Variants in TMEM8B observed in about 807,000 individuals in gnomAD.
TMEM8B encodes nasopharyngeal carcinoma expressed 6.
In TMEM8B, 29 loss-of-function variants were observed where a neutral mutation model predicts 49.3. The observed-to-expected ratio is 0.59, with a 90% CI of 0.44 to 0.80. The LOEUF is 0.80. Among genes scored for constraint, TMEM8B ranks in the 30% least tolerant of loss-of-function variants. TMEM8B has a pLI of 0.00. For synonymous variants in TMEM8B, 264 were observed against 272.8 expected (o/e 0.97, Z 0.32); for missense variants, 575 against 658.5 (o/e 0.87, Z 1.39).
At position 35,842,468 on chromosome 9, in the gene TMEM8B, G is replaced by A; in HGVS notation, c.1386G>A (p.Gln462=). The A allele has an allele frequency of 6.3e-7, 1 of 1,591,098 alleles. No homozygotes were observed. Among genetic ancestry groups the A allele is most frequent in the Non-Finnish European group, 8.6e-7 (1 of 1,165,698 alleles). ...ACATGCCCCAGTCCCTGGGCAACCAGCCACTGCCCCCAGAACCGCCATCCC... is the reference window on the plus strand; with the variant it reads ...ACATGCCCCAGTCCCTGGGCAACCAACCACTGCCCCCAGAACCGCCATCCC... ...AMNMPQSLGN[Q]PLPPEPPSLG... Residue 462 remains glutamine (Q), a synonymous_variant, in exon 6 of 13, where the codon CAG becomes CAA. Transcript: ENST00000643932. The surrounding 1 kb of genome is among the most constrained non-coding windows in gnomAD (Gnocchi z 5.6).
intron 10 of TMEM8B, among the ~76,000 whole-genome samples, chr9:35,851,798 T>G (rs1318459556): frequency 6.6e-6 from 1 of 152,240 alleles, no homozygotes; most frequent in Non-Finnish European, 1.5e-5. Flanking sequence ...GATCCTAGCT[T>G]CTTCCTTTCC....
intron 6 of TMEM8B, 27 bp from the exon 7 acceptor site, chr9:35,845,948 C>T (rs773473886): frequency 6.2e-7 from 1 of 1,612,846 alleles, no homozygotes; most frequent in African/African-American, 1.3e-5. Context: ...GATGTGGCGG[C>T]CTCACTTCCA....
chr9:35,845,955 TC>T lies in TMEM8B; in HGVS notation c.1636-18del. The T allele has an allele frequency of 6.2e-7, 1 of 1,613,612 alleles. No homozygotes were observed. The highest frequency in any genetic ancestry group is 1.1e-5 in the South Asian group (1 of 91,056). On this transcript the variant is annotated intron_variant, in intron 6 of 12. Coordinates refer to ENST00000643932, the MANE Select transcript of TMEM8B (RefSeq NM_001042590.4). ...AGATGGAGGATGTGGCGGCCTCACT[TC>T]CATACCTGCCCTCCCCAGAGCTCCG...
intron 10 of TMEM8B, among the ~76,000 whole-genome samples, chr9:35,848,784 C>T (rs1239516989): frequency 1.3e-5 from 2 of 150,626 alleles, no homozygotes; most frequent in South Asian, 2.1e-4. Flanking sequence ...AAGCGATTCT[C>T]CTGCCTCAGC....
In TMEM8B at chr9:35,841,590, G is replaced by T; in HGVS notation, c.1105G>T (p.Val369Leu). Reference protein sequence around the residue: ...AQLVCVGGRGVSACPLSLRLR... With the variant: ...AQLVCVGGRGLSACPLSLRLR... ...GCTGGTGTGTGTGGGGGGCCGTGGG[G>T]TATCTGCCTGCCCCCTGTCACTGCG... Residue 369 changes from valine to leucine, a missense_variant, in exon 5 of 13, where the codon GTA (valine) becomes TTA (leucine). Val to Leu is a conservative substitution (Grantham distance 32). Coordinates refer to ENST00000643932, the MANE Select transcript of TMEM8B (RefSeq NM_001042590.4). This position sits in a 1 kb window ranked among gnomAD's most constrained non-coding sequence, Gnocchi z 5.9. 2.4e-6 allele frequency: 1 copy of T among 416,722 alleles called. No homozygotes were observed. The highest frequency in any genetic ancestry group is 4.4e-6 in the Non-Finnish European group (1 of 227,036). 25.8% of individuals were successfully genotyped at this position (416,722 alleles called of 1,614,324 possible). A position where few individuals can be genotyped will look rare whatever the true frequency, so the allele number is the denominator to read the frequency against.
intron 10 of TMEM8B, among the ~76,000 whole-genome samples, chr9:35,852,076 A>G (rs1832189082): frequency 6.6e-6 from 1 of 152,194 alleles, no homozygotes; most frequent in Non-Finnish European, 1.5e-5. Flanking sequence ...ACTACAGACA[A>G]GGGAGCTAAT....
In TMEM8B at chr9:35,858,556, A is replaced by G. The variant is rs1465314868; in HGVS notation, c.*4716A>G. 1 of 152,242 alleles carries G rather than the reference A, an allele frequency of 6.6e-6. No individual in the cohort carries two copies. The highest frequency in any genetic ancestry group is 1.9e-4 in the East Asian group (1 of 5,196). 9.4% of individuals were successfully genotyped at this position (152,242 alleles called of 1,614,324 possible). On this transcript the variant is annotated 3_prime_UTR_variant, in exon 13 of 13. Transcript: ENST00000643932. ...AGCCCGTGAAGGATAGATGGTCAGG[A>G]TAAAGAAAGCCAAACCTCCCATAGC...
At position 35,842,565 on chromosome 9, in the gene TMEM8B, C is replaced by T. The variant is rs546719780; in HGVS notation, c.1483C>T (p.Arg495Cys). 3.7e-6 allele frequency: 6 copies of T among 1,614,174 alleles called. No individual in the cohort carries two copies. Among genetic ancestry groups the T allele is most frequent in the South Asian group, 1.1e-5 (1 of 91,084 alleles). ...CTGCTGGCCAGTGCGCCCGACTCTG[C>T]GCAACGAGCTGGACACCTTCTCTGT... is the stretch of plus-strand genomic sequence containing the variant. Reference protein sequence around the residue: ...EHCWPVRPTLRNELDTFSVHF... With the variant: ...EHCWPVRPTLCNELDTFSVHF... Residue 495 changes from arginine (R) to cysteine (C), a missense_variant, in exon 6 of 13, where the codon CGC (arginine) becomes TGC (cysteine). By Grantham distance (180) the Arg-to-Cys change is radical. Coordinates refer to ENST00000643932, the MANE Select transcript of TMEM8B (RefSeq NM_001042590.4). This position sits in a 1 kb window ranked among gnomAD's most constrained non-coding sequence, Gnocchi z 5.6.
chr9:35,856,918 G>A lies in TMEM8B; in HGVS notation c.*3078G>A, dbSNP rs745608150. 4.6e-5 allele frequency: 7 copies of A among 152,208 alleles called. No individual in the cohort carries two copies. Among genetic ancestry groups the A allele is most frequent in the African/African-American group, 7.2e-5 (3 of 41,444 alleles). 9.4% of individuals were successfully genotyped at this position (152,208 alleles called of 1,614,324 possible). A position where few individuals can be genotyped will look rare whatever the true frequency, so the allele number is the denominator to read the frequency against. On this transcript the variant is annotated 3_prime_UTR_variant, in exon 13 of 13. Coordinates refer to ENST00000643932, the MANE Select transcript of TMEM8B (RefSeq NM_001042590.4). Reference sequence around the variant, plus strand: ...GGCCAGCAATATGACAGTGCTGGACGTAGCCGCTGAACCAGGCCTGTCTCC... The same window carrying A: ...GGCCAGCAATATGACAGTGCTGGACATAGCCGCTGAACCAGGCCTGTCTCC...
chr9:35,844,670 C>T (rs921196550), intron 6 of TMEM8B, among the ~76,000 whole-genome samples: 3 of 152,246 alleles, frequency 2.0e-5, no homozygotes, highest in East Asian at 1.9e-4. Flanking sequence ...GATCTTGATT[C>T]GACCTTGAAA....
intron 3 of TMEM8B, among the ~76,000 whole-genome samples, chr9:35,836,714 G>A (rs1253136291): frequency 6.6e-6 from 1 of 152,204 alleles, no homozygotes; most frequent in African/African-American, 2.4e-5. Flanking sequence ...AAATAACTAG[G>A]TCTGACATGT....
At chr9:35,837,373 C>T (rs994005911) in intron 3 of TMEM8B, among the ~76,000 whole-genome samples, 10 of 152,002 alleles carry the variant, frequency 6.6e-5, no homozygotes, top group African/African-American at 2.4e-4. Context: ...AGCTTGCTAG[C>T]GTGGTGGAGG....
chr9:35,850,567 A>C (rs1205532481), intron 10 of TMEM8B, among the ~76,000 whole-genome samples: 2 of 152,210 alleles, frequency 1.3e-5, no homozygotes, highest in Non-Finnish European at 2.9e-5. Flanking sequence ...TATACCTGGA[A>C]AATAATTAGT....
At position 35,864,786 on chromosome 9, in the gene TMEM8B, T is replaced by C. The variant is rs1281034804; in HGVS notation, c.*10946T>C. The C allele has an allele frequency of 6.6e-6, 1 of 152,226 alleles. No homozygotes were observed. Among genetic ancestry groups the C allele is most frequent in the Non-Finnish European group, 1.5e-5 (1 of 68,048 alleles). The allele number at this position is 152,226 out of a possible 1,614,324, so 9.4% of individuals were successfully genotyped here. On this transcript the variant is annotated 3_prime_UTR_variant, in exon 13 of 13. Coordinates refer to ENST00000643932, the MANE Select transcript of TMEM8B (RefSeq NM_001042590.4). The stretch of plus-strand genomic sequence containing the variant: ...CTCCTTACCTCTCACCTACTGGCCA[T>C]GGCCTAAATGTCTGTAGGGAGCTGG...
intron 1 of TMEM8B, among the ~76,000 whole-genome samples, chr9:35,832,915 C>G (rs907805914): frequency 2.6e-5 from 4 of 152,208 alleles, no homozygotes; most frequent in Non-Finnish European, 5.9e-5. Context: ...CTATCACTCT[C>G]TGAATGCTGC....
intron 1 of TMEM8B, among the ~76,000 whole-genome samples, chr9:35,834,069 C>CACA (rs768278144): frequency 6.0e-5 from 9 of 150,900 alleles, no homozygotes; most frequent in African/African-American, 2.2e-4. Flanking sequence ...CACACACACA[C>CACA]ACCTTCCACA....
At chr9:35,850,136 T>C (rs1398824221) in intron 10 of TMEM8B, among the ~76,000 whole-genome samples, 2 of 152,244 alleles carry the variant, frequency 1.3e-5, no homozygotes, top group Non-Finnish European at 2.9e-5. Context: ...AGTTCCATTA[T>C]ATTCCAATCT....
intron 1 of TMEM8B, among the ~76,000 whole-genome samples, chr9:35,832,148 C>G (rs1404506187): frequency 1.3e-5 from 2 of 148,824 alleles, no homozygotes; most frequent in Non-Finnish European, 3.0e-5. Flanking sequence ...CCAGCCTCAG[C>G]CTATGTGTGT....
chr9:35,830,706 G>C (rs1295441060), intron 1 of TMEM8B, among the ~76,000 whole-genome samples: 1 of 152,132 alleles, frequency 6.6e-6, no homozygotes, highest in African/African-American at 2.4e-5. Context: ...AGACCCAAGT[G>C]GGGAAAGGCT....
Sources: allele counts gnomAD v4.1 joint callset (sites outside exome capture counted in the v4.1 genomes callset), GRCh38; gene constraint gnomAD v4.1.1; non-coding constraint Gnocchi (gnomAD v3.1); transcripts MANE v1.5; gene names NCBI Gene and HGNC (gene_info 2026-07-23, HGNC 2026-07-21).